Variants in LRRC4C observed in about 807,000 individuals in gnomAD.
LRRC4C encodes leucine-rich repeat-containing protein 4C.
Under a neutral mutation model 33.6 loss-of-function variants are expected in LRRC4C, and 5 were observed. The ratio of observed to expected loss-of-function variants is 0.15; its 90% CI spans 0.08 to 0.31. LRRC4C has a LOEUF of 0.31. LRRC4C is among the 10% of genes least tolerant of loss of function. The pLI is 1.00. For missense variants in LRRC4C, 560 were observed against 796.7 expected, an observed-to-expected ratio of 0.70 and a Z score of 3.58; for synonymous variants, 329 against 302.0, an observed-to-expected ratio of 1.09 and a Z score of -0.93.
At chr11:41,343,402 G>T (rs1197051993) in intron 1 of LRRC4C, among the ~76,000 whole-genome samples, 1 of 151,640 alleles carries the variant, frequency 6.6e-6, no homozygotes, top group African/African-American at 2.4e-5. Context: ...AGTAGCCACT[G>T]AAAAATGTCC....
intron 2 of LRRC4C, among the ~76,000 whole-genome samples, chr11:40,705,186 A>C (rs56189153): frequency 0.33 from 50,398 of 151,770 alleles, 8,457 homozygotes; most frequent in East Asian, 0.44. Flanking sequence ...TCAGTTTCAA[A>C]CTCAGATTTT....
At chr11:40,273,695 A>G (rs1490225947) in intron 4 of LRRC4C, among the ~76,000 whole-genome samples, 1 of 152,168 alleles carries the variant, frequency 6.6e-6, no homozygotes, top group South Asian at 2.1e-4. Flanking sequence ...ATGGAGAAAA[A>G]TGTTCAAAAA....
intron 3 of LRRC4C, among the ~76,000 whole-genome samples, chr11:40,451,358 A>G (rs1951874302): frequency 7.0e-6 from 1 of 143,342 alleles, no homozygotes; most frequent in African/African-American, 2.6e-5. Context: ...GCCTTACAGA[A>G]ATAATGACTT....
At chr11:40,959,827 C>A (rs1850855262) in intron 1 of LRRC4C, among the ~76,000 whole-genome samples, 1 of 151,560 alleles carries the variant, frequency 6.6e-6, no homozygotes, top group Non-Finnish European at 1.5e-5. Context: ...GTCAGTTATG[C>A]AAAAACAAGC....
chr11:40,146,826 T>G (rs1476946731), intron 5 of LRRC4C, among the ~76,000 whole-genome samples: 2 of 152,190 alleles, frequency 1.3e-5, no homozygotes, highest in Non-Finnish European at 2.9e-5. Context: ...CCATGAGGGA[T>G]GGACTTCCTG....
chr11:40,920,888 A>G (rs1317627235), intron 2 of LRRC4C, among the ~76,000 whole-genome samples: 1 of 151,076 alleles, frequency 6.6e-6, no homozygotes, highest in East Asian at 2.0e-4. Flanking sequence ...TGGGAAGATT[A>G]TCCTGGATTA....
At chr11:41,404,179 A>T (rs1196731192) in intron 1 of LRRC4C, among the ~76,000 whole-genome samples, 1 of 152,028 alleles carries the variant, frequency 6.6e-6, no homozygotes, top group Non-Finnish European at 1.5e-5. Flanking sequence ...TGCTTGTTTG[A>T]TTAATGCCAA....
At chr11:40,983,150 T>C (rs1430129980) in intron 1 of LRRC4C, among the ~76,000 whole-genome samples, 1 of 152,196 alleles carries the variant, frequency 6.6e-6, no homozygotes, top group Non-Finnish European at 1.5e-5. Context: ...TACATATGTC[T>C]TTACAATAGA....
At chr11:41,139,625 T>G (rs1474172701) in intron 1 of LRRC4C, among the ~76,000 whole-genome samples, 2 of 152,198 alleles carry the variant, frequency 1.3e-5, no homozygotes, top group African/African-American at 4.8e-5. Context: ...ACTTCTAGAA[T>G]CAGGGAATTT....
intron 2 of LRRC4C, among the ~76,000 whole-genome samples, chr11:40,715,017 A>C (rs1279144204): frequency 6.6e-6 from 1 of 152,218 alleles, no homozygotes. Context: ...CGGGCAGGCA[A>C]CTATGTATTA....
intron 3 of LRRC4C, among the ~76,000 whole-genome samples, chr11:40,419,941 T>C (rs1950463665): frequency 6.6e-6 from 1 of 152,182 alleles, no homozygotes; most frequent in African/African-American, 2.4e-5. Context: ...GAATCTACTC[T>C]TTGGGGAGGA....
Position 40,756,348 on chromosome 11 carries a change from C to T in LRRC4C, c.-406-108070G>A, listed in dbSNP as rs147900039. ...TCTTAAAGTATTCTTTTACATAATC[C>T]GTCGCTTTGCTAATTAAAAATGATT... On this transcript the variant is annotated intron_variant, in intron 2 of 6. Coordinates refer to ENST00000528697, the MANE Select transcript of LRRC4C (RefSeq NM_001258419.2). Among the ~76,000 whole-genome samples the T allele has an allele frequency of 5.8e-4, 88 of 152,106 alleles. No individual in the cohort carries two copies. In the Middle Eastern group the frequency reaches 0.01, roughly 18 times the overall value.
chr11:40,736,957 C>T (rs908474729), intron 2 of LRRC4C, among the ~76,000 whole-genome samples: 2 of 150,912 alleles, frequency 1.3e-5, no homozygotes, highest in Non-Finnish European at 2.9e-5. Context: ...TTCCTGTTCA[C>T]TCTGATGATA....
At chr11:40,925,225 T>C (rs1957366526) in intron 2 of LRRC4C, among the ~76,000 whole-genome samples, 1 of 152,176 alleles carries the variant, frequency 6.6e-6, no homozygotes, top group Non-Finnish European at 1.5e-5. Flanking sequence ...CATGTGATTA[T>C]GTTGGGCTAC....
chr11:41,232,882 C>A (rs1311416011), intron 1 of LRRC4C, among the ~76,000 whole-genome samples: 1 of 151,872 alleles, frequency 6.6e-6, no homozygotes, highest in African/African-American at 2.4e-5. Context: ...TTTGCCAAGG[C>A]TAATGTTTAG....
At chr11:40,839,516 G>A (rs1337886145) in intron 2 of LRRC4C, among the ~76,000 whole-genome samples, 1 of 152,158 alleles carries the variant, frequency 6.6e-6, no homozygotes, top group East Asian at 1.9e-4. Flanking sequence ...AAAGTGCTGG[G>A]ATTACAGGCG....
intron 1 of LRRC4C, among the ~76,000 whole-genome samples, chr11:41,143,514 C>T (rs1003793361): frequency 6.6e-6 from 1 of 152,136 alleles, no homozygotes; most frequent in Non-Finnish European, 1.5e-5. Context: ...AGAACACTAA[C>T]AGCTGTGCCT....
At chr11:40,868,321 T>C (rs1481598065) in intron 2 of LRRC4C, among the ~76,000 whole-genome samples, 1 of 152,172 alleles carries the variant, frequency 6.6e-6, no homozygotes, top group Admixed American at 6.6e-5. Context: ...TGAAGAATGC[T>C]ATTTAATATT....
intron 1 of LRRC4C, among the ~76,000 whole-genome samples, chr11:41,209,373 AT>A (rs1946727870): frequency 1.3e-5 from 2 of 151,832 alleles, no homozygotes; most frequent in South Asian, 4.1e-4. Flanking sequence ...TGTCTAAATT[AT>A]TCCAGTCTCA....
Sources: gnomAD v4.1 joint callset for allele counts (sites outside exome capture counted in the v4.1 genomes callset) on GRCh38, gnomAD v4.1.1 for gene constraint, MANE v1.5 for transcripts, NCBI Gene and HGNC (gene_info 2026-07-23, HGNC 2026-07-21) for gene names.